GRID2: variants seen among roughly 807,000 people sequenced by gnomAD.
The protein encoded by GRID2 is glutamate receptor ionotropic, delta-2.
Under a neutral mutation model 114.8 loss-of-function variants are expected in GRID2, and 33 were observed. The observed-to-expected ratio is 0.29, with a 90% confidence interval of 0.22 to 0.38. The LOEUF is 0.38. Ranked by LOEUF, GRID2 falls within the 10% of genes least tolerant of loss-of-function variation. The pLI is 1.00. For synonymous variants in GRID2, 505 were observed against 449.9 expected (o/e 1.12, Z -1.55); for missense variants, 1,184 against 1,257.7 (o/e 0.94, Z 0.89).
At chr4:93,248,702 G>T (rs973268251) in intron 8 of GRID2, among the ~76,000 whole-genome samples, 11 of 152,110 alleles carry the variant, frequency 7.2e-5, no homozygotes, top group African/African-American at 2.7e-4. Context: ...CACAAAAAGT[G>T]CTAATAGAAG....
intron 14 of GRID2, among the ~76,000 whole-genome samples, chr4:93,633,049 A>ATC (rs72041077): frequency 0.18 from 27,436 of 151,072 alleles, 2,771 homozygotes; most frequent in Middle Eastern, 0.34. Context: ...ATCTCTTTCT[A>ATC]TCTCTCTCTC....
intron 13 of GRID2, among the ~76,000 whole-genome samples, chr4:93,594,810 G>A (rs1377812445): frequency 2.0e-5 from 3 of 151,966 alleles, no homozygotes; most frequent in Middle Eastern, 3.4e-3. Context: ...GGAGTGACCC[G>A]ATTTTCCAGG....
chr4:92,887,042 T>C (rs1746424924), intron 2 of GRID2, among the ~76,000 whole-genome samples: 1 of 152,238 alleles, frequency 6.6e-6, no homozygotes, highest in South Asian at 2.1e-4. Context: ...GTGTTTAACA[T>C]AAATAACTCT....
chr4:92,624,222 T>G (rs1730412326), intron 2 of GRID2, among the ~76,000 whole-genome samples: 1 of 151,858 alleles, frequency 6.6e-6, no homozygotes, highest in African/African-American at 2.4e-5. Context: ...CACAAGAAAC[T>G]TAAGGCACAC....
rs1025494371 is a variant in GRID2, at chr4:92,647,584, A to T, written c.244+57298A>T. Among the ~76,000 whole-genome samples the T allele has an allele frequency of 5.3e-5, 8 of 149,586 alleles. 1 individual carries two copies. The highest frequency in any genetic ancestry group is 2.0e-4 in the Admixed American group (3 of 15,030). ...GGTTTCTCATTATTTAGGTAAAGTG[A>T]CATTGAAGATAAAATACATATTTTC... On this transcript the variant is annotated intron_variant, in intron 2 of 15. Coordinates refer to ENST00000282020, the MANE Select transcript of GRID2 (RefSeq NM_001510.4).
At chr4:93,271,239 G>A (rs2149569483) in intron 8 of GRID2, among the ~76,000 whole-genome samples, 1 of 152,254 alleles carries the variant, frequency 6.6e-6, no homozygotes, top group South Asian at 2.1e-4. Flanking sequence ...GGTTCAGGAA[G>A]AAGCTAGCAA....
intron 2 of GRID2, among the ~76,000 whole-genome samples, chr4:92,927,879 G>A (rs567123012): frequency 1.3e-5 from 2 of 151,736 alleles, no homozygotes; most frequent in African/African-American, 2.4e-5. Context: ...ATGTTAGAAT[G>A]TTTGCATTAT....
intron 8 of GRID2, among the ~76,000 whole-genome samples, chr4:93,299,479 A>G (rs572147224): frequency 6.8e-6 from 1 of 147,118 alleles, no homozygotes; most frequent in South Asian, 2.2e-4. Context: ...TCTTTCTCTG[A>G]TAAGAATTGA....
At chr4:93,062,477 C>T (rs548954805) in intron 2 of GRID2, among the ~76,000 whole-genome samples, 1 of 152,074 alleles carries the variant, frequency 6.6e-6, no homozygotes, top group Non-Finnish European at 1.5e-5. Flanking sequence ...GTTGTTGATA[C>T]ATTCACCAAA....
chr4:92,477,814 A>T (rs1722391583), intron 1 of GRID2, among the ~76,000 whole-genome samples: 1 of 147,308 alleles, frequency 6.8e-6, no homozygotes, highest in African/African-American at 2.5e-5. Context: ...CATTAATATA[A>T]TTAAAATAAT....
intron 2 of GRID2, among the ~76,000 whole-genome samples, chr4:93,066,661 T>TA (rs1269999162): frequency 6.6e-6 from 1 of 152,066 alleles, no homozygotes; most frequent in Non-Finnish European, 1.5e-5. Flanking sequence ...TATAATAAGA[T>TA]AAAATACTTT....
chr4:93,559,836 G>T (rs146136498), intron 13 of GRID2, among the ~76,000 whole-genome samples: 1 of 151,916 alleles, frequency 6.6e-6, no homozygotes, highest in Non-Finnish European at 1.5e-5. Flanking sequence ...ACCCAAATGC[G>T]CATCAATTAT....
chr4:93,097,702 C>T (rs1578979447), intron 3 of GRID2, among the ~76,000 whole-genome samples: 1 of 151,882 alleles, frequency 6.6e-6, no homozygotes, highest in Non-Finnish European at 1.5e-5. Flanking sequence ...ATTGACAGTT[C>T]TGTTTCCCCT....
chr4:93,703,699 T>A (rs947758684), intron 14 of GRID2, among the ~76,000 whole-genome samples: 4 of 134,678 alleles, frequency 3.0e-5, no homozygotes, highest in African/African-American at 1.1e-4. Flanking sequence ...CCTGTGTCCA[T>A]GTGTTCTCAT....
chr4:92,758,914 G>T (rs1362088861), intron 2 of GRID2, among the ~76,000 whole-genome samples: 1 of 152,064 alleles, frequency 6.6e-6, no homozygotes, highest in South Asian at 2.1e-4. Context: ...GAGCAGCAAA[G>T]GTTTGGGAAA....
intron 13 of GRID2, among the ~76,000 whole-genome samples, chr4:93,610,847 T>C (rs1354885979): frequency 3.0e-5 from 4 of 131,810 alleles, no homozygotes; most frequent in Admixed American, 2.2e-4. Flanking sequence ...TTAGGGAGGA[T>C]TCCCTCTTTT....
intron 1 of GRID2, among the ~76,000 whole-genome samples, chr4:92,431,576 C>CT (rs139358667): frequency 5.8e-3 from 659 of 114,110 alleles, no homozygotes; most frequent in Admixed American, 8.8e-3. Flanking sequence ...TTTGACGTGT[C>CT]TTTTTTTTTT....
At chr4:92,847,110 T>A (rs1392570700) in intron 2 of GRID2, among the ~76,000 whole-genome samples, 1 of 152,152 alleles carries the variant, frequency 6.6e-6, no homozygotes, top group Non-Finnish European at 1.5e-5. Flanking sequence ...AAATGGAATA[T>A]GTTGCTAAAC....
chr4:93,797,167 T>C (rs1046482390), intron 1 of GRID2, among the ~76,000 whole-genome samples: 1 of 152,232 alleles, frequency 6.6e-6, no homozygotes, highest in African/African-American at 2.4e-5. Context: ...GGACCACCAT[T>C]GTATATGCGG....
Sources: allele counts gnomAD v4.1 joint callset (sites outside exome capture counted in the v4.1 genomes callset), GRCh38; gene constraint gnomAD v4.1.1; transcripts MANE v1.5; gene names NCBI Gene and HGNC (gene_info 2026-07-23, HGNC 2026-07-21).